SGCZ: variants seen among roughly 807,000 people sequenced by gnomAD.
The protein encoded by SGCZ is sarcoglycan zeta, also known as zeta-sarcoglycan.
A neutral mutation model predicts 41.3 loss-of-function variants in SGCZ; 40 were observed. That is an observed-to-expected ratio of 0.97 (90% CI 0.75 to 1.26). The LOEUF (loss-of-function observed/expected upper bound fraction) is 1.26. Among genes scored for constraint, SGCZ ranks in the 50% most tolerant of loss-of-function variants. The pLI is 0.00. For synonymous variants in SGCZ, 206 were observed against 137.5 expected (o/e 1.50, Z -3.49); for missense variants, 552 against 369.8 (o/e 1.49, Z -4.04).
intron 1 of SGCZ, among the ~76,000 whole-genome samples, chr8:14,814,410 C>A (rs2130547262): frequency 6.6e-6 from 1 of 152,160 alleles, no homozygotes; most frequent in East Asian, 1.9e-4. Context: ...TCCCCACTTG[C>A]ACAGAACTAG....
intron 1 of SGCZ, among the ~76,000 whole-genome samples, chr8:14,581,422 CTA>C (rs1459497680): frequency 6.6e-6 from 1 of 151,864 alleles, no homozygotes; most frequent in Non-Finnish European, 1.5e-5. Context: ...CCTTTGCTTA[CTA>C]TGTTTTTTGT....
At chr8:14,483,744 G>A (rs1485782334) in intron 2 of SGCZ, among the ~76,000 whole-genome samples, 2 of 151,984 alleles carry the variant, frequency 1.3e-5, no homozygotes, top group African/African-American at 2.4e-5. Context: ...AGAATAACAG[G>A]TTTCAATTAA....
intron 1 of SGCZ, among the ~76,000 whole-genome samples, chr8:14,801,666 T>C (rs1801324784): frequency 6.6e-6 from 1 of 151,456 alleles, no homozygotes; most frequent in Admixed American, 6.6e-5. Context: ...GCATTTGGAG[T>C]TGGGGGAAAA....
intron 4 of SGCZ, among the ~76,000 whole-genome samples, chr8:14,210,111 G>T (rs1181665561): frequency 6.6e-6 from 1 of 152,112 alleles, no homozygotes; most frequent in African/African-American, 2.4e-5. Flanking sequence ...AGACTGGAAC[G>T]CAGTTGTGTG....
intron 1 of SGCZ, among the ~76,000 whole-genome samples, chr8:14,598,216 CA>C (rs1299011224): frequency 6.6e-6 from 1 of 151,818 alleles, no homozygotes; most frequent in African/African-American, 2.4e-5. Flanking sequence ...TCAAGTGGGG[CA>C]TTTTTTTTCA....
intron 1 of SGCZ, among the ~76,000 whole-genome samples, chr8:14,928,151 TTA>T (rs2130801632): frequency 6.6e-6 from 1 of 152,318 alleles, no homozygotes; most frequent in East Asian, 1.9e-4. Flanking sequence ...GCAGATAAAT[TTA>T]TCTCTTGCTC....
At chr8:14,726,323 T>TATATATATATAA (rs1491404771) in intron 1 of SGCZ, among the ~76,000 whole-genome samples, 1 of 116,990 alleles carries the variant, frequency 8.5e-6, no homozygotes, top group South Asian at 2.6e-4. Context: ...TATATATATA[T>TATATATATATAA]CTATATATAT....
chr8:15,205,445 C>T lies in SGCZ; in HGVS notation c.39+32140G>A, dbSNP rs181615486. ...ACCCTATTAAAAAGTGGGCAAAGGA[C>T]ATGAACAGACACCTACCAAAGGAAA... On this transcript the variant is annotated intron_variant, in intron 1 of 7. Coordinates refer to ENST00000382080, the MANE Select transcript of SGCZ (RefSeq NM_139167.4). Among the ~76,000 whole-genome samples, 188 of 152,134 alleles carry T rather than the reference C, an allele frequency of 1.2e-3. No individual in the cohort carries two copies. The Middle Eastern group carries it at 0.017, about 14-fold the overall frequency.
At chr8:15,150,189 T>C (rs552801476) in intron 1 of SGCZ, among the ~76,000 whole-genome samples, 1 of 152,320 alleles carries the variant, frequency 6.6e-6, no homozygotes, top group South Asian at 2.1e-4. Context: ...TATTGCTTTA[T>C]CCATTACTTT....
intron 2 of SGCZ, among the ~76,000 whole-genome samples, chr8:14,464,313 T>C (rs1051425478): frequency 6.6e-6 from 1 of 151,558 alleles, no homozygotes; most frequent in Non-Finnish European, 1.5e-5. Context: ...TATAGGTCTA[T>C]TCAAATTTTC....
intron 1 of SGCZ, among the ~76,000 whole-genome samples, chr8:14,667,460 T>G (rs181762712): frequency 6.6e-6 from 1 of 152,156 alleles, no homozygotes; most frequent in Non-Finnish European, 1.5e-5. Context: ...TCATAAAAGC[T>G]TGTCGTACCA....
At chr8:14,342,094 A>G (rs977494271) in intron 2 of SGCZ, among the ~76,000 whole-genome samples, 6 of 152,322 alleles carry the variant, frequency 3.9e-5, no homozygotes, top group Non-Finnish European at 7.3e-5. Flanking sequence ...AACTTCCTAC[A>G]AACTTGTTGA....
intron 2 of SGCZ, among the ~76,000 whole-genome samples, chr8:14,396,356 GC>G (rs1798918940): frequency 6.6e-6 from 1 of 152,030 alleles, no homozygotes; most frequent in Admixed American, 6.6e-5. Context: ...TATTTGATAA[GC>G]CCTGAGGAAA....
intron 1 of SGCZ, among the ~76,000 whole-genome samples, chr8:15,010,602 A>C (rs1219682014): frequency 6.6e-6 from 1 of 152,230 alleles, no homozygotes; most frequent in Non-Finnish European, 1.5e-5. Flanking sequence ...GGCCACAACC[A>C]CATGAGGGTT....
chr8:14,134,773 A>G lies in SGCZ; in HGVS notation c.548-26538T>C, dbSNP rs535480889. ...TGATTTCACATTTCTGTTTTTTTAA[A>G]TCAGGGTTTGGCAAATTGGCCCATG... On this transcript the variant is annotated intron_variant, in intron 5 of 7. Coordinates refer to ENST00000382080, the MANE Select transcript of SGCZ (RefSeq NM_139167.4). 5.3e-5 allele frequency among the ~76,000 whole-genome samples: 8 copies of G among 152,184 alleles called. No homozygotes were observed. In the East Asian group the frequency reaches 1.4e-3, roughly 26 times the overall value.
intron 1 of SGCZ, among the ~76,000 whole-genome samples, chr8:14,668,427 T>G (rs1356491494): frequency 6.6e-6 from 1 of 152,160 alleles, no homozygotes; most frequent in Non-Finnish European, 1.5e-5. Context: ...GTTTCTAACC[T>G]CTGAGGTTAG....
At chr8:15,141,181 T>G (rs1007313721) in intron 1 of SGCZ, among the ~76,000 whole-genome samples, 35 of 152,368 alleles carry the variant, frequency 2.3e-4, no homozygotes, top group African/African-American at 7.7e-4. Context: ...ATTAACCAAT[T>G]TGAAATTCAA....
chr8:15,154,455 G>T (rs903274250), intron 1 of SGCZ, among the ~76,000 whole-genome samples: 5 of 152,188 alleles, frequency 3.3e-5, no homozygotes, highest in African/African-American at 1.2e-4. Context: ...CTGGAAAGTA[G>T]ACATCTCCCT....
chr8:15,005,391 G>C (rs1456842861), intron 1 of SGCZ, among the ~76,000 whole-genome samples: 1 of 146,124 alleles, frequency 6.8e-6, no homozygotes, highest in Non-Finnish European at 1.5e-5. Flanking sequence ...GAGTGCAGTG[G>C]CGTGATCTCG....
Sources: allele counts gnomAD v4.1 joint callset (sites outside exome capture counted in the v4.1 genomes callset), GRCh38; gene constraint gnomAD v4.1.1; transcripts MANE v1.5; gene names NCBI Gene and HGNC (gene_info 2026-07-23, HGNC 2026-07-21).